CNOT10: variants seen among roughly 807,000 people sequenced by gnomAD.
CNOT10 encodes the protein CCR4-NOT transcription complex, subunit 10.
In CNOT10, 30 loss-of-function variants were observed where a neutral mutation model predicts 94.6. That is an observed-to-expected ratio of 0.32 (90% CI 0.24 to 0.43). The LOEUF is 0.43. Among genes scored for constraint, CNOT10 ranks in the 20% least tolerant of loss-of-function variants. The probability of loss-of-function intolerance (pLI) is 1.00; values close to 1 mark genes in which losing one functional copy is unlikely to be tolerated. For missense variants in CNOT10, 759 were observed against 877.2 expected (o/e 0.87, Z 1.70); for synonymous variants, 289 against 301.6 (o/e 0.96, Z 0.43).
chr3:32,713,121 T>G (rs1320629367), intron 4 of CNOT10, 106 bp from the exon 5 acceptor site: 1 of 884,596 alleles, frequency 1.1e-6, no homozygotes, highest in Non-Finnish European at 1.7e-6. Context: ...GAGTAAAGAC[T>G]TATGCTTTGC....
chr3:32,772,707 C>T (rs965392374), intron 18 of CNOT10, among the ~76,000 whole-genome samples: 5 of 152,054 alleles, frequency 3.3e-5, no homozygotes, highest in African/African-American at 1.2e-4. Flanking sequence ...AAAAAAAACC[C>T]AATGTTCTAA....
At chr3:32,729,084 ACT>A (rs775198444) in intron 10 of CNOT10, among the ~76,000 whole-genome samples, 3 of 152,008 alleles carry the variant, frequency 2.0e-5, no homozygotes, top group East Asian at 1.9e-4. Flanking sequence ...TGACAGAGAG[ACT>A]CTGTCTCAAA....
intron 10 of CNOT10, among the ~76,000 whole-genome samples, chr3:32,728,596 G>C (rs1698790990): frequency 6.6e-6 from 1 of 152,036 alleles, no homozygotes; most frequent in South Asian, 2.1e-4. Context: ...TTAGGCAACA[G>C]AGCGAGACCC....
At chr3:32,687,459 T>TTTTTTTTTTTG (rs1696669792) in intron 1 of CNOT10, among the ~76,000 whole-genome samples, 4 of 110,120 alleles carry the variant, frequency 3.6e-5, no homozygotes, top group Non-Finnish European at 5.7e-5. Context: ...TTTGTTTTTT[T>TTTTTTTTTTTG]TTTTTTTTTT....
At chr3:32,719,873 A>G (rs888039923) in intron 7 of CNOT10, among the ~76,000 whole-genome samples, 6 of 152,218 alleles carry the variant, frequency 3.9e-5, no homozygotes, top group Non-Finnish European at 8.8e-5. Flanking sequence ...ATTCTTATAC[A>G]TATACCTATA....
chr3:32,767,621 A>G (rs1380457107), intron 17 of CNOT10, among the ~76,000 whole-genome samples: 1 of 152,040 alleles, frequency 6.6e-6, no homozygotes, highest in East Asian at 1.9e-4. Flanking sequence ...CATGTGAAAA[A>G]TAACTACAAA....
intron 1 of CNOT10, among the ~76,000 whole-genome samples, chr3:32,688,899 CCT>C (rs1696735599): frequency 1.3e-5 from 2 of 151,696 alleles, no homozygotes; most frequent in Non-Finnish European, 2.9e-5. Flanking sequence ...AGGATGAGAC[CCT>C]CTCTCAAAAA....
chr3:32,739,533 T>C (rs113516421), intron 13 of CNOT10, among the ~76,000 whole-genome samples: 3,336 of 152,254 alleles, frequency 0.022, 48 homozygotes, highest in East Asian at 0.048. Flanking sequence ...TTTTTCAAAA[T>C]TAAACTTCAT....
Position 32,756,893 on chromosome 3 carries a change from G to A in CNOT10, c.1596-2565G>A, listed in dbSNP as rs1372847345. Among the ~76,000 whole-genome samples the A allele has an allele frequency of 3.3e-5, 5 of 151,120 alleles. No individual in the cohort carries two copies. In the East Asian group the frequency reaches 9.8e-4, roughly 29 times the overall value. ...GGAGGCCGAGGCGGGCAGATCACAA[G>A]GTCAGGAGTTTCCAGCCTGGCCAAC... is the stretch of plus-strand genomic sequence containing the variant. On this transcript the variant is annotated intron_variant, in intron 13 of 18. Transcript: ENST00000328834.
At chr3:32,709,626 C>T (rs1246344823) in intron 4 of CNOT10, among the ~76,000 whole-genome samples, 1 of 152,112 alleles carries the variant, frequency 6.6e-6, no homozygotes, top group African/African-American at 2.4e-5. Context: ...GAGACCCATT[C>T]TGAGGTGCTT....
intron 13 of CNOT10, chr3:32,753,449 C>G (rs1700051932): frequency 6.5e-7 from 1 of 1,541,444 alleles, no homozygotes; most frequent in South Asian, 1.1e-5. Flanking sequence ...AAACTTCCTT[C>G]TGGAGAGGAT....
chr3:32,697,497 G>A (rs1041406283), intron 1 of CNOT10, among the ~76,000 whole-genome samples: 3 of 151,762 alleles, frequency 2.0e-5, no homozygotes, highest in Middle Eastern at 3.4e-3. Context: ...TTGAGACAGG[G>A]TTTCACTCTG....
At chr3:32,703,683 G>C in intron 1 of CNOT10, 185 bp from the exon 2 acceptor site, 2 of 524,822 alleles carry the variant, frequency 3.8e-6, no homozygotes, top group East Asian at 3.2e-5. Context: ...GATGGCAAGA[G>C]ATTTCATCAT....
At chr3:32,764,295 C>G (rs1223002050) in intron 15 of CNOT10, 160 bp from the exon 16 acceptor site, 2 of 654,136 alleles carry the variant, frequency 3.1e-6, no homozygotes, top group Non-Finnish European at 5.1e-6. Flanking sequence ...CGAGATCATG[C>G]CCCTGCACTC....
At chr3:32,717,551 T>C (rs1698178782) in intron 7 of CNOT10, among the ~76,000 whole-genome samples, 1 of 152,172 alleles carries the variant, frequency 6.6e-6, no homozygotes, top group Non-Finnish European at 1.5e-5. Flanking sequence ...ATTTAGGTTA[T>C]TTTAGAATTT....
At chr3:32,689,435 T>A (rs559782637) in intron 1 of CNOT10, among the ~76,000 whole-genome samples, 102 of 151,912 alleles carry the variant, frequency 6.7e-4, no homozygotes, top group Non-Finnish European at 5.1e-4. Context: ...GAGAAGGGCT[T>A]TCTTAGAGTT....
intron 8 of CNOT10, among the ~76,000 whole-genome samples, chr3:32,724,435 C>T (rs573801531): frequency 1.8e-3 from 234 of 131,586 alleles, no homozygotes; most frequent in African/African-American, 6.5e-3. Flanking sequence ...TTTTTTGAGA[C>T]GGAGTCTTGC....
Position 32,716,372 on chromosome 3 carries a change from T to A in CNOT10, c.660+61T>A. On this transcript the variant is annotated intron_variant, in intron 6 of 18. Coordinates refer to ENST00000328834, the MANE Select transcript of CNOT10 (RefSeq NM_015442.3). ...TATATTTAATTGTAGTTATGACAAA[T>A]GAAGCAATGAGATAGATCATTGGAA... The A allele has an allele frequency of 3.7e-6, 3 of 816,206 alleles. No homozygotes were observed. The South Asian group carries it at 5.1e-5, about 14-fold the overall frequency. The allele number at this position is 816,206 out of a possible 1,614,324, so 50.6% of individuals were successfully genotyped here. A position where few individuals can be genotyped will look rare whatever the true frequency, so the allele number is the denominator to read the frequency against.
intron 13 of CNOT10, among the ~76,000 whole-genome samples, chr3:32,754,613 G>A (rs1360242397): frequency 3.0e-5 from 4 of 131,982 alleles, no homozygotes; most frequent in African/African-American, 1.2e-4. Flanking sequence ...TCTGCCTCCC[G>A]GGTTCAAGCA....
Sources: gnomAD v4.1 joint callset for allele counts (sites outside exome capture counted in the v4.1 genomes callset) on GRCh38, gnomAD v4.1.1 for gene constraint, MANE v1.5 for transcripts, NCBI Gene and HGNC (gene_info 2026-07-23, HGNC 2026-07-21) for gene names.